The following TTC1 variants were observed in gnomAD, a reference collection of about 807,000 sequenced individuals.
The protein encoded by TTC1 is tetratricopeptide repeat domain 1, also known as tetratricopeptide repeat protein 1.
In TTC1, 31 loss-of-function variants were observed where a neutral mutation model predicts 37.6. That is an observed-to-expected ratio of 0.82 (90% CI 0.62 to 1.11). The LOEUF is 1.11. TTC1 is among the 50% of genes most tolerant of loss of function. The pLI is 0.00. For missense variants in TTC1, 351 were observed against 339.0 expected (o/e 1.04, Z -0.28); for synonymous variants, 127 against 122.4 (o/e 1.04, Z -0.25).
intron 5 of TTC1, among the ~76,000 whole-genome samples, chr5:160,045,200 A>T (rs1308720415): frequency 6.6e-6 from 1 of 152,196 alleles, no homozygotes; most frequent in Non-Finnish European, 1.5e-5. Flanking sequence ...TGTAAGAAAT[A>T]GTTCATTTCC....
chr5:160,023,949 C>T (rs1437635812), intron 2 of TTC1: 3 of 1,567,788 alleles, frequency 1.9e-6, no homozygotes, highest in African/African-American at 2.7e-5. Flanking sequence ...TCCTCTTCCT[C>T]ATCAGGTATC....
intron 5 of TTC1, among the ~76,000 whole-genome samples, chr5:160,044,368 C>T (rs1037985217): frequency 6.6e-6 from 1 of 152,296 alleles, no homozygotes; most frequent in East Asian, 1.9e-4. Context: ...AGAATGGCTA[C>T]TCCATAGGCA....
At position 160,010,635 on chromosome 5, in the gene TTC1, C is replaced by T. The variant is rs1488610004; in HGVS notation, c.107C>T (p.Pro36Leu). The change falls in exon 2 of 8, where the codon CCC becomes CTC. Residue 36 changes from proline (P) to leucine (L), a missense_variant. Physicochemically the swap from Pro to Leu is moderately conservative, Grantham distance 98. Coordinates refer to ENST00000231238, the MANE Select transcript of TTC1 (RefSeq NM_003314.3). ...TGTGCTGGCCCTCCAGTTCCTGATC[C>T]CAAAAATCAGCATTCCCAGAGTAAG... The part of the protein sequence containing the change: ...AECAGPPVPD[P>L]KNQHSQSKLL... The T allele has an allele frequency of 5.0e-6, 8 of 1,613,816 alleles. No homozygotes were observed. The Admixed American group carries it at 8.3e-5, about 17-fold the overall frequency.
intron 2 of TTC1, among the ~76,000 whole-genome samples, chr5:160,025,146 G>A (rs1175059422): frequency 6.6e-6 from 1 of 152,206 alleles, no homozygotes; most frequent in African/African-American, 2.4e-5. Flanking sequence ...TCCTGCCTCA[G>A]CCTCCCAAGT....
chr5:160,045,512 ACATACACACTCT>A (rs1338662463), intron 5 of TTC1, among the ~76,000 whole-genome samples: 25 of 42,836 alleles, frequency 5.8e-4, no homozygotes, highest in African/African-American at 1.6e-3. Context: ...ACACACACAC[ACATACACACTCT>A]CTCTCTCTCT....
chr5:160,036,641 GTA>G (rs1424901076), intron 3 of TTC1, 48 bp from the exon 4 acceptor site: 3 of 1,231,988 alleles, frequency 2.4e-6, no homozygotes, highest in Non-Finnish European at 3.6e-6. Flanking sequence ...GAATATAGTA[GTA>G]TCAGGAATAA....
intron 7 of TTC1, 128 bp from the exon 8 acceptor site, chr5:160,064,804 G>A: frequency 1.0e-6 from 1 of 1,004,912 alleles, no homozygotes. Context: ...CATATTAAAA[G>A]TAGGCATTTC....
rs1236426329 is a variant in TTC1 at position 160,051,011 on chromosome 5, A to T, written c.691-118A>T. ...TTTTATTTAATAGGATCATAGACAT[A>T]CTTAACTTGATCTTATTTCCACATT... On this transcript the variant is annotated intron_variant, in intron 6 of 7. Transcript: ENST00000231238. 4.0e-6 allele frequency: 3 copies of T among 741,832 alleles called. No individual in the cohort carries two copies. In the African/African-American group the frequency reaches 5.3e-5, roughly 13 times the overall value. 46.0% of individuals were successfully genotyped at this position (741,832 alleles called of 1,614,324 possible).
chr5:160,044,186 C>T (rs1757158113), intron 5 of TTC1, among the ~76,000 whole-genome samples: 1 of 152,066 alleles, frequency 6.6e-6, no homozygotes, highest in Non-Finnish European at 1.5e-5. Flanking sequence ...GCAAGAGAAC[C>T]TTATATGTTA....
chr5:160,051,130 G>A lies in TTC1; in HGVS notation c.692G>A (p.Arg231Lys). ...SIHQAREACM[R>K]LPKQIEERNE... ...CCTTGTTTCTCCTCTTTTCCTCAGA[G>A]ATTACCTAAGCAAATTGAAGAACGT... Residue 231 changes from arginine to lysine, a missense_variant and splice_region_variant, in exon 7 of 8, where the codon AGA (arginine) becomes AAA (lysine). By Grantham distance (26) the Arg-to-Lys change is conservative. Coordinates refer to ENST00000231238, the MANE Select transcript of TTC1 (RefSeq NM_003314.3). 1 of 1,597,354 alleles carries A rather than the reference G, an allele frequency of 6.3e-7. No individual in the cohort carries two copies. The highest frequency in any genetic ancestry group is 8.5e-7 in the Non-Finnish European group (1 of 1,170,288).
intron 4 of TTC1, 88 bp from the exon 5 acceptor site, chr5:160,043,045 G>A: frequency 5.2e-6 from 7 of 1,344,454 alleles, no homozygotes; most frequent in Non-Finnish European, 7.3e-6. Context: ...TCCATAAGCA[G>A]TTATTAGTGA....
intron 2 of TTC1, chr5:160,023,605 G>C: frequency 1.4e-6 from 1 of 694,762 alleles, no homozygotes; most frequent in South Asian, 2.0e-5. Context: ...AGGTAGTTTC[G>C]TGTTTTATCA....
intron 2 of TTC1, among the ~76,000 whole-genome samples, chr5:160,012,122 A>G (rs897330666): frequency 6.6e-6 from 1 of 152,204 alleles, no homozygotes; most frequent in Admixed American, 6.5e-5. Context: ...TAACATTATA[A>G]CAGGTTTCAG....
chr5:160,036,747 T>G lies in TTC1; in HGVS notation c.448T>G (p.Phe150Val), dbSNP rs1422123570. 1 of 1,614,076 alleles carries G rather than the reference T, an allele frequency of 6.2e-7. No individual in the cohort carries two copies. The highest frequency in any genetic ancestry group is 2.2e-5 in the East Asian group (1 of 44,874). Residue 150 changes from phenylalanine (F) to valine (V), a missense_variant, in exon 4 of 8, where the codon TTC becomes GTC. Physicochemically the swap from Phe to Val is conservative, Grantham distance 50. Coordinates refer to ENST00000231238, the MANE Select transcript of TTC1 (RefSeq NM_003314.3). ...AGCCCTCGAAATGTGCCCATCCTGC[T>G]TCCAAAAGGAGAGGTCGATTCTATT... ...SRALEMCPSC[F>V]QKERSILFSN... is the part of the protein sequence containing the mutation.
chr5:160,053,526 T>C (rs976477742), intron 7 of TTC1, among the ~76,000 whole-genome samples: 8 of 152,116 alleles, frequency 5.3e-5, no homozygotes, highest in African/African-American at 1.7e-4. Context: ...ATGATGCCAC[T>C]GCACTCAAGC....
At chr5:160,018,452 G>T (rs113876008) in intron 2 of TTC1, among the ~76,000 whole-genome samples, 1 of 152,144 alleles carries the variant, frequency 6.6e-6, no homozygotes, top group Admixed American at 6.5e-5. Flanking sequence ...ATGTGTGACC[G>T]TCTGAGAGGG....
chr5:160,044,209 G>A (rs1482658170), intron 5 of TTC1, among the ~76,000 whole-genome samples: 1 of 152,090 alleles, frequency 6.6e-6, no homozygotes, highest in African/African-American at 2.4e-5. Flanking sequence ...TAGATCCCCT[G>A]TCACGCTAAG....
intron 2 of TTC1, among the ~76,000 whole-genome samples, chr5:160,015,916 T>C (rs1265632839): frequency 1.3e-5 from 2 of 152,176 alleles, no homozygotes; most frequent in Non-Finnish European, 2.9e-5. Context: ...CTGAATTGAA[T>C]TATAGGACAC....
At chr5:160,051,085 T>G (rs764003966) in intron 6 of TTC1, 44 bp from the exon 7 acceptor site, 240 of 1,206,040 alleles carry the variant, frequency 2.0e-4, no homozygotes, top group Non-Finnish European at 2.5e-4. Context: ...GGTTTTGGTT[T>G]TTTTTTTTTT....
Sources: gnomAD v4.1 joint callset for allele counts (sites outside exome capture counted in the v4.1 genomes callset) on GRCh38, gnomAD v4.1.1 for gene constraint, MANE v1.5 for transcripts, NCBI Gene and HGNC (gene_info 2026-07-23, HGNC 2026-07-21) for gene names.